Variants in YPEL1 observed in about 807,000 individuals in gnomAD.
The protein encoded by YPEL1 is yippee like 1.
YPEL1 carries 7 observed loss-of-function variants against 17.3 expected under a neutral mutation model. That is an observed-to-expected ratio of 0.40 (90% CI 0.23 to 0.76). The LOEUF (loss-of-function observed/expected upper bound fraction) is 0.76, where lower values mean the gene tolerates loss of function less well. Among genes scored for constraint, YPEL1 ranks in the 30% least tolerant of loss-of-function variants. YPEL1 has a pLI of 0.35. For synonymous variants in YPEL1, 59 were observed against 59.6 expected, an observed-to-expected ratio of 0.99 and a Z score of 0.05; for missense variants, 91 against 155.5, an observed-to-expected ratio of 0.59 and a Z score of 2.21.
At chr22:21,712,583 G>A (rs1044297811) in intron 1 of YPEL1, among the ~76,000 whole-genome samples, 5 of 151,642 alleles carry the variant, frequency 3.3e-5, no homozygotes, top group Non-Finnish European at 5.9e-5. Context: ...AAAATTAGCC[G>A]GGCGTGGTGG....
chr22:21,703,708 C>CGGA lies in YPEL1; in HGVS notation c.161+130_161+131insTCC, dbSNP rs147967901. The CGGA allele has an allele frequency of 4.0e-6, 4 of 990,504 alleles. No homozygotes were observed. Among genetic ancestry groups the CGGA allele is most frequent in the Admixed American group, 2.7e-5 (1 of 37,234 alleles). 61.4% of individuals were successfully genotyped at this position (990,504 alleles called of 1,614,324 possible). A position where few individuals can be genotyped will look rare whatever the true frequency, so the allele number is the denominator to read the frequency against. On this transcript the variant is annotated intron_variant, in intron 3 of 4. Transcript: ENST00000339468. The surrounding 1 kb of genome is among the most constrained non-coding windows in gnomAD (Gnocchi z 6.1). ...ATCCTTAGCGCGTTTCAGAAACTCC[C>CGGA]GGCGGGGGGATGGTGGGTTCTTTCA...
At position 21,711,005 on chromosome 22, in the gene YPEL1, T is replaced by TG. The variant is rs200282156; in HGVS notation, c.-164-98dup. 183 of 386,150 alleles carry TG rather than the reference T, an allele frequency of 4.7e-4. 1 individual carries two copies. The East Asian group carries it at 8.3e-3, about 18-fold the overall frequency. The allele number at this position is 386,150 out of a possible 1,614,324, so 23.9% of individuals were successfully genotyped here. A position where few individuals can be genotyped will look rare whatever the true frequency, so the allele number is the denominator to read the frequency against. ...ATGTGTTGTGAAGCAACACGCGGGG[T>TG]GGGGGGGTGGCAGGACTAGAATTTT... On this transcript the variant is annotated intron_variant, in intron 1 of 4. Coordinates refer to ENST00000339468, the MANE Select transcript of YPEL1 (RefSeq NM_013313.5).
At chr22:21,705,615 TC>T (rs2068107747) in intron 2 of YPEL1, among the ~76,000 whole-genome samples, 1 of 152,162 alleles carries the variant, frequency 6.6e-6, no homozygotes, top group Non-Finnish European at 1.5e-5. Context: ...GACCCAGCAG[TC>T]CCACTTCTAA....
chr22:21,718,178 C>A (rs918728001), intron 1 of YPEL1, among the ~76,000 whole-genome samples: 1 of 150,988 alleles, frequency 6.6e-6, no homozygotes, highest in Non-Finnish European at 1.5e-5. Context: ...AACAAAGAGT[C>A]TGAGTCTGGG....
intron 1 of YPEL1, among the ~76,000 whole-genome samples, chr22:21,733,705 G>C (rs532834690): frequency 2.0e-5 from 3 of 152,242 alleles, no homozygotes; most frequent in South Asian, 4.1e-4. Context: ...CTGGGTGACA[G>C]AATGAGACCT....
At chr22:21,725,583 GA>G (rs1190387186) in intron 1 of YPEL1, among the ~76,000 whole-genome samples, 1 of 151,764 alleles carries the variant, frequency 6.6e-6, no homozygotes, top group African/African-American at 2.4e-5. Context: ...CTAGATGGTA[GA>G]AAAAAAATCA....
chr22:21,728,475 G>T (rs1486341121), intron 1 of YPEL1, among the ~76,000 whole-genome samples: 1 of 152,154 alleles, frequency 6.6e-6, no homozygotes, highest in Non-Finnish European at 1.5e-5. Context: ...AGAATCGCAC[G>T]ATTAACAGCA....
In YPEL1 at chr22:21,697,826, T is replaced by C. The variant is rs774576560; in HGVS notation, c.*3303A>G. 6.6e-6 allele frequency: 1 copy of C among 152,384 alleles called. No homozygotes were observed. Among genetic ancestry groups the C allele is most frequent in the Non-Finnish European group, 1.5e-5 (1 of 68,044 alleles). The allele number at this position is 152,384 out of a possible 1,614,324, so 9.4% of individuals were successfully genotyped here. On this transcript the variant is annotated 3_prime_UTR_variant, in exon 5 of 5. Coordinates refer to ENST00000339468, the MANE Select transcript of YPEL1 (RefSeq NM_013313.5). Reference sequence around the variant, plus strand: ...AGTTTGTTTGTTTTAGAGCTTAATTTGTAGTTTTTTAGCTATTAAAACCAT... The same window carrying C: ...AGTTTGTTTGTTTTAGAGCTTAATTCGTAGTTTTTTAGCTATTAAAACCAT...
At chr22:21,714,889 T>C (rs2068206025) in intron 1 of YPEL1, among the ~76,000 whole-genome samples, 1 of 152,222 alleles carries the variant, frequency 6.6e-6, no homozygotes, top group Admixed American at 6.5e-5. Context: ...TTCAAATCTT[T>C]GTCACATTTT....
intron 1 of YPEL1, among the ~76,000 whole-genome samples, chr22:21,718,992 G>T (rs1282880590): frequency 6.6e-6 from 1 of 152,020 alleles, no homozygotes; most frequent in African/African-American, 2.4e-5. Flanking sequence ...GAATCAAGAA[G>T]ACCTCACATT....
rs1424780932 is a variant in YPEL1, at chr22:21,703,621, C to A, written c.162-143G>T. The A allele has an allele frequency of 1.2e-6, 1 of 848,746 alleles. No homozygotes were observed. Among genetic ancestry groups the A allele is most frequent in the Non-Finnish European group, 1.8e-6 (1 of 544,910 alleles). The allele number at this position is 848,746 out of a possible 1,614,324, so 52.6% of individuals were successfully genotyped here. On this transcript the variant is annotated intron_variant, in intron 3 of 4. Coordinates refer to ENST00000339468, the MANE Select transcript of YPEL1 (RefSeq NM_013313.5). This position sits in a 1 kb window ranked among gnomAD's most constrained non-coding sequence, Gnocchi z 6.1. ...AGAGAGCAGTGCCGTGCCTCTCCCCCAGCCCTGCCCGCCACCACCATCAAT... is the reference window on the plus strand; with the variant it reads ...AGAGAGCAGTGCCGTGCCTCTCCCCAAGCCCTGCCCGCCACCACCATCAAT...
intron 1 of YPEL1, among the ~76,000 whole-genome samples, chr22:21,717,148 G>A (rs537123151): frequency 6.7e-6 from 1 of 149,086 alleles, no homozygotes; most frequent in Non-Finnish European, 1.5e-5. Context: ...GGGGGGGCGG[G>A]GGGCGGATCA....
intron 1 of YPEL1, among the ~76,000 whole-genome samples, chr22:21,715,754 T>C (rs563806426): frequency 1.6e-5 from 1 of 63,508 alleles, no homozygotes; most frequent in South Asian, 5.5e-4. Flanking sequence ...ATTTTTCTTT[T>C]TCTTTTCTTT....
chr22:21,702,125 G>A (rs753546364), intron 4 of YPEL1, among the ~76,000 whole-genome samples: 2 of 152,212 alleles, frequency 1.3e-5, no homozygotes, highest in Non-Finnish European at 2.9e-5. Context: ...TTTGCTGAGT[G>A]TGTGGCCTGG....
intron 2 of YPEL1, among the ~76,000 whole-genome samples, chr22:21,704,303 C>T (rs541475657): frequency 1.3e-5 from 2 of 152,294 alleles, no homozygotes; most frequent in African/African-American, 2.4e-5. Context: ...GATGTGCTCA[C>T]GCTGCCAGAT....
At chr22:21,728,507 T>C (rs1379094898) in intron 1 of YPEL1, among the ~76,000 whole-genome samples, 1 of 152,054 alleles carries the variant, frequency 6.6e-6, no homozygotes, top group African/African-American at 2.4e-5. Flanking sequence ...TGCGTGTCCT[T>C]ATTAGCCCCA....
At position 21,700,145 on chromosome 22, in the gene YPEL1, C is replaced by G. The variant is rs2148592311; in HGVS notation, c.*984G>C. 1 of 152,418 alleles carries G rather than the reference C, an allele frequency of 6.6e-6. No individual in the cohort carries two copies. The highest frequency in any genetic ancestry group is 2.4e-5 in the African/African-American group (1 of 41,540). The allele number at this position is 152,418 out of a possible 1,614,324, so 9.4% of individuals were successfully genotyped here. On this transcript the variant is annotated 3_prime_UTR_variant, in exon 5 of 5. Transcript: ENST00000339468. ...TGGAAGATTCTTAAATAACACTGTA[C>G]TTTAAGGGTTCATTTGCAAGAGGAA...
At chr22:21,730,699 A>G (rs2068378087) in intron 1 of YPEL1, among the ~76,000 whole-genome samples, 1 of 152,192 alleles carries the variant, frequency 6.6e-6, no homozygotes, top group Admixed American at 6.5e-5. Flanking sequence ...GCTCCCCTCC[A>G]CATTTCAGGA....
chr22:21,734,542 G>T (rs535687596), intron 1 of YPEL1, among the ~76,000 whole-genome samples: 1 of 152,210 alleles, frequency 6.6e-6, no homozygotes, highest in African/African-American at 2.4e-5. Flanking sequence ...AACCCGTAGG[G>T]GTTCCCACAA....
Sources: gnomAD v4.1 joint callset for allele counts (sites outside exome capture counted in the v4.1 genomes callset) on GRCh38, gnomAD v4.1.1 for gene constraint, Gnocchi (gnomAD v3.1) non-coding constraint, MANE v1.5 for transcripts, NCBI Gene and HGNC (gene_info 2026-07-23, HGNC 2026-07-21) for gene names.